The following TFEC variants were observed in gnomAD, a reference collection of about 807,000 sequenced individuals.
The protein encoded by TFEC is class E basic helix-loop-helix protein 34.
Under a neutral mutation model 41.6 loss-of-function variants are expected in TFEC, and 31 were observed. That is an observed-to-expected ratio of 0.74 (90% CI 0.56 to 1.01). The LOEUF is 1.01. Ranked by LOEUF, TFEC falls within the 50% of genes least tolerant of loss-of-function variation. The probability of loss-of-function intolerance (pLI) is 0.00; values close to 1 mark genes in which losing one functional copy is unlikely to be tolerated. For synonymous variants in TFEC, 143 were observed against 140.6 expected, an observed-to-expected ratio of 1.02 and a Z score of -0.12; for missense variants, 402 against 404.1, an observed-to-expected ratio of 0.99 and a Z score of 0.04.
intron 1 of TFEC, among the ~76,000 whole-genome samples, chr7:115,991,257 G>A (rs767645340): frequency 6.6e-6 from 1 of 152,196 alleles, no homozygotes; most frequent in African/African-American, 2.4e-5. Flanking sequence ...ACTAGTACAA[G>A]CCACTGCAAG....
Position 115,991,391 on chromosome 7 carries a change from T to G in TFEC, c.-72-6878A>C, listed in dbSNP as rs533884811. Reference sequence around the variant, plus strand: ...CACATAACAATATTAACCTTAAATGTAAATGGGCTAAATGCTCCCATTAAA... The same window carrying G: ...CACATAACAATATTAACCTTAAATGGAAATGGGCTAAATGCTCCCATTAAA... On this transcript the variant is annotated intron_variant, in intron 1 of 7. Coordinates refer to ENST00000265440, the MANE Select transcript of TFEC (RefSeq NM_012252.4). Among the ~76,000 whole-genome samples, 31 of 152,286 alleles carry G rather than the reference T, an allele frequency of 2.0e-4. No homozygotes were observed. In the South Asian group the frequency reaches 6.4e-3, roughly 32 times the overall value.
chr7:115,984,621 T>C, intron 1 of TFEC, 108 bp from the exon 2 acceptor site: 1 of 1,302,104 alleles, frequency 7.7e-7, no homozygotes, highest in South Asian at 1.5e-5. Context: ...CTATAGCATC[T>C]AGTTTCTCTC....
intron 6 of TFEC, 77 bp downstream of exon 6, chr7:115,950,797 T>C: frequency 1.8e-6 from 2 of 1,130,230 alleles, no homozygotes; most frequent in Middle Eastern, 2.5e-4. Context: ...ATTGGTTCTC[T>C]CCTCCCTTCT....
chr7:116,063,489 T>C (rs1253843585), intron 3 of TFEC, among the ~76,000 whole-genome samples: 1 of 152,000 alleles, frequency 6.6e-6, no homozygotes, highest in Non-Finnish European at 1.5e-5. Context: ...CTTGGTGGCA[T>C]GTGCCTGTAG....
intron 1 of TFEC, among the ~76,000 whole-genome samples, chr7:116,005,144 T>A (rs1278969889): frequency 6.6e-6 from 1 of 152,186 alleles, no homozygotes. Flanking sequence ...TATGTCTTTA[T>A]CAGCAGCATG....
At chr7:116,094,096 C>T (rs1316807953) in intron 3 of TFEC, among the ~76,000 whole-genome samples, 2 of 152,108 alleles carry the variant, frequency 1.3e-5, no homozygotes, top group African/African-American at 4.8e-5. Flanking sequence ...TGGACACCAA[C>T]AGAATAACAT....
exon 3 of TFEC, chr7:116,110,731 T>C: frequency 6.6e-7 from 1 of 1,524,100 alleles, no homozygotes; most frequent in Non-Finnish European, 8.8e-7. Context: ...GGTAATTGAC[T>C]TGAATAAATT....
chr7:115,935,844 A>G lies in TFEC; in HGVS notation c.*4707T>C, dbSNP rs1793203902. 1 of 151,616 alleles carries G rather than the reference A, an allele frequency of 6.6e-6. No homozygotes were observed. The allele number at this position is 151,616 out of a possible 1,614,324, so 9.4% of individuals were successfully genotyped here. On this transcript the variant is annotated 3_prime_UTR_variant, in exon 8 of 8. Coordinates refer to ENST00000265440, the MANE Select transcript of TFEC (RefSeq NM_012252.4). ...ACATTTTACAGAGAATTTCATCAGT[A>G]GAAAACACAATAGAAGTCATCTGAT...
At chr7:116,032,864 T>A (rs1182812573), upstream of TFEC, among the ~76,000 whole-genome samples, 4 of 152,098 alleles carry the variant, frequency 2.6e-5, no homozygotes, top group Non-Finnish European at 5.9e-5. Flanking sequence ...AAATCATGCA[T>A]GTCGTTTCTA....
intron 1 of TFEC, among the ~76,000 whole-genome samples, chr7:116,153,283 T>A (rs964636362): frequency 6.6e-6 from 1 of 152,070 alleles, no homozygotes; most frequent in Admixed American, 6.6e-5. Context: ...TGAGACAGAG[T>A]CTCGTTCTGT....
At position 116,042,208 on chromosome 7, in the gene TFEC, G is replaced by A. The variant is rs1005037720; in HGVS notation, c.199-57695C>T. Reference sequence around the variant, plus strand: ...ATCCCACAGTTACCACTGAGAGTCAGTAGAATGGCACTCTTTTCTAGAATA... The same window carrying A: ...ATCCCACAGTTACCACTGAGAGTCAATAGAATGGCACTCTTTTCTAGAATA... On this transcript the variant is annotated intron_variant, in intron 3 of 8. Coordinates refer to the TFEC transcript ENST00000484212. Among the ~76,000 whole-genome samples the A allele has an allele frequency of 9.2e-5, 14 of 152,238 alleles. 1 individual carries two copies. The highest frequency in any genetic ancestry group is 3.4e-3 in the Middle Eastern group (1 of 294).
intron 3 of TFEC, among the ~76,000 whole-genome samples, chr7:116,061,995 A>AT (rs778030955): frequency 3.6e-4 from 52 of 145,326 alleles, no homozygotes; most frequent in Admixed American, 4.8e-4. Context: ...GCTGGTAGGA[A>AT]TTTTTTTTTT....
At chr7:116,069,728 A>C (rs1414904723) in intron 3 of TFEC, among the ~76,000 whole-genome samples, 2 of 151,624 alleles carry the variant, frequency 1.3e-5, no homozygotes, top group African/African-American at 4.8e-5. Flanking sequence ...TCCCTGCTTT[A>C]GTTGATGGGG....
intron 3 of TFEC, among the ~76,000 whole-genome samples, chr7:115,957,584 A>G (rs1792302327): frequency 6.6e-6 from 1 of 151,886 alleles, no homozygotes; most frequent in Non-Finnish European, 1.5e-5. Context: ...AGTAATATTC[A>G]TATTTCAGGT....
intron 6 of TFEC, among the ~76,000 whole-genome samples, chr7:115,949,794 G>T (rs1791829839): frequency 6.6e-6 from 1 of 151,976 alleles, no homozygotes; most frequent in Non-Finnish European, 1.5e-5. Flanking sequence ...GCATGGGCAA[G>T]GACTTCATGT....
rs77606818 is a variant in TFEC at position 115,984,271 on chromosome 7, T to C, written c.171A>G (p.Ala57=). 2.0e-3 allele frequency: 3,187 copies of C among 1,614,012 alleles called. 63 individuals carry two copies. In the African/African-American group the frequency reaches 0.038, roughly 19 times the overall value. The change falls in exon 2 of 8, where the codon GCA becomes GCG. Residue 57 remains alanine (A), a synonymous_variant. Transcript: ENST00000265440. ...LLAIGKEDDN[A]QWHMEDVIED... ...CAGCCATTAGACATACATGCCATTG[T>C]GCATTGTCATCTTCTTTCCCAATAG...
chr7:116,034,207 G>T (rs947789501), upstream of TFEC, among the ~76,000 whole-genome samples: 1 of 151,898 alleles, frequency 6.6e-6, no homozygotes, highest in African/African-American at 2.4e-5. Context: ...CTAAGTCTCA[G>T]CCTGTTCTTT....
Position 115,940,564 on chromosome 7 carries a change from C to T in TFEC, c.1031G>A (p.Gly344Asp). 6.2e-7 allele frequency: 1 copy of T among 1,610,368 alleles called. No individual in the cohort carries two copies. The highest frequency in any genetic ancestry group is 8.5e-7 in the Non-Finnish European group (1 of 1,177,944). Reference protein sequence around the residue: ...SRRSSFSSDDGDEL With the variant: ...SRRSSFSSDDDDEL ...TCTGTTTATTTCTTATAATTCATCA[C>T]CATCATCTGAGCTAAAGCTACTTCT... The change falls in exon 8 of 8, where the codon GGT (glycine) becomes GAT (aspartate). Residue 344 changes from glycine (G) to aspartate (D), a missense_variant. Transcript: ENST00000265440.
intron 3 of TFEC, among the ~76,000 whole-genome samples, chr7:116,036,245 C>G (rs999913373): frequency 6.6e-6 from 1 of 151,898 alleles, no homozygotes; most frequent in Non-Finnish European, 1.5e-5. Context: ...AAATGCATGC[C>G]TCAGATGTTT....
Sources: gnomAD v4.1 joint callset for allele counts (sites outside exome capture counted in the v4.1 genomes callset) on GRCh38, gnomAD v4.1.1 for gene constraint, MANE v1.5 for transcripts, NCBI Gene and HGNC (gene_info 2026-07-23, HGNC 2026-07-21) for gene names.